The following SLCO1B1 variants were observed in gnomAD, a reference collection of about 807,000 sequenced individuals.
SLCO1B1 encodes the protein solute carrier organic anion transporter family member 1B1.
A neutral mutation model predicts 70.1 loss-of-function variants in SLCO1B1; 81 were observed. The ratio of observed to expected loss-of-function variants is 1.16; its 90% confidence interval spans 0.97 to 1.39. SLCO1B1 has a LOEUF of 1.39. Ranked by LOEUF, SLCO1B1 falls within the 40% of genes most tolerant of loss-of-function variation. The pLI, the probability that SLCO1B1 is intolerant of heterozygous loss-of-function variation, is 0.00. For synonymous variants in SLCO1B1, 283 were observed against 271.5 expected, an observed-to-expected ratio of 1.04 and a Z score of -0.42; for missense variants, 895 against 799.6, an observed-to-expected ratio of 1.12 and a Z score of -1.44.
chr12:21,211,129 G>A (rs1382053575), intron 11 of SLCO1B1, among the ~76,000 whole-genome samples: 1 of 152,160 alleles, frequency 6.6e-6, no homozygotes, highest in Non-Finnish European at 1.5e-5. Flanking sequence ...GGGCATCCCT[G>A]TTTTGTGCCA....
chr12:21,220,799 CAG>C (rs1246514901), intron 12 of SLCO1B1, among the ~76,000 whole-genome samples: 1 of 140,998 alleles, frequency 7.1e-6, no homozygotes, highest in East Asian at 2.1e-4. Flanking sequence ...GCCTGGGAGA[CAG>C]AGCAAGACTG....
intron 10 of SLCO1B1, among the ~76,000 whole-genome samples, chr12:21,203,553 G>A (rs1173875769): frequency 6.6e-6 from 1 of 152,004 alleles, no homozygotes; most frequent in African/African-American, 2.4e-5. Context: ...CCCATGAGGT[G>A]TTGGTTTTAA....
intron 7 of SLCO1B1, among the ~76,000 whole-genome samples, chr12:21,185,018 G>T (rs1351983519): frequency 3.3e-5 from 5 of 151,838 alleles, no homozygotes; most frequent in Admixed American, 3.3e-4. Context: ...GACAAAGAAG[G>T]GTATTACATA....
intron 11 of SLCO1B1, among the ~76,000 whole-genome samples, chr12:21,214,726 G>A (rs989404376): frequency 3.3e-5 from 5 of 152,160 alleles, no homozygotes; most frequent in Admixed American, 1.3e-4. Flanking sequence ...CTCCATGGGC[G>A]TAGGACCCTC....
At chr12:21,138,273 A>G (rs921074115) in intron 1 of SLCO1B1, among the ~76,000 whole-genome samples, 1 of 152,124 alleles carries the variant, frequency 6.6e-6, no homozygotes, top group Non-Finnish European at 1.5e-5. Context: ...GGCTGATAAG[A>G]TTCTGTCCTG....
intron 11 of SLCO1B1, among the ~76,000 whole-genome samples, chr12:21,213,213 T>C (rs1254892214): frequency 6.6e-6 from 1 of 152,194 alleles, no homozygotes; most frequent in African/African-American, 2.4e-5. Flanking sequence ...CAGTTGTTCC[T>C]TTCCATGTTT....
At chr12:21,206,718 G>A (rs970599250) in intron 11 of SLCO1B1, among the ~76,000 whole-genome samples, 6 of 151,722 alleles carry the variant, frequency 4.0e-5, no homozygotes, top group African/African-American at 1.5e-4. Flanking sequence ...CTAATCTCCT[G>A]GGTAGCTACC....
At chr12:21,191,396 A>G (rs1941028088) in intron 7 of SLCO1B1, among the ~76,000 whole-genome samples, 2 of 152,032 alleles carry the variant, frequency 1.3e-5, no homozygotes, top group African/African-American at 4.8e-5. Flanking sequence ...GTGTAAATGG[A>G]ATTGCTTTCC....
At chr12:21,162,268 A>C (rs1038935705) in intron 2 of SLCO1B1, among the ~76,000 whole-genome samples, 1 of 152,050 alleles carries the variant, frequency 6.6e-6, no homozygotes, top group East Asian at 1.9e-4. Flanking sequence ...TATTTTCTTC[A>C]ATTTAATTGA....
At chr12:21,235,070 C>T (rs913943687) in intron 14 of SLCO1B1, among the ~76,000 whole-genome samples, 3 of 147,204 alleles carry the variant, frequency 2.0e-5, no homozygotes, top group Non-Finnish European at 4.5e-5. Context: ...AAAGAGTCTA[C>T]TTCAAGTCGA....
intron 7 of SLCO1B1, among the ~76,000 whole-genome samples, chr12:21,179,851 A>G (rs1350577303): frequency 2.0e-5 from 3 of 152,086 alleles, no homozygotes; most frequent in Non-Finnish European, 4.4e-5. Context: ...ATGTAGATAC[A>G]GTTTTTTATA....
chr12:21,214,835 G>C (rs1941338579), intron 11 of SLCO1B1, among the ~76,000 whole-genome samples: 1 of 152,100 alleles, frequency 6.6e-6, no homozygotes, highest in Admixed American at 6.5e-5. Context: ...TCCAGGTGCT[G>C]TCCGTCACCC....
At chr12:21,183,385 C>T (rs1940928869) in intron 7 of SLCO1B1, among the ~76,000 whole-genome samples, 1 of 152,004 alleles carries the variant, frequency 6.6e-6, no homozygotes, top group Non-Finnish European at 1.5e-5. Flanking sequence ...TCTGTAAAGA[C>T]AGGGTTTTCC....
At chr12:21,176,550 C>A (rs1430406428) in intron 4 of SLCO1B1, among the ~76,000 whole-genome samples, 2 of 152,044 alleles carry the variant, frequency 1.3e-5, no homozygotes, top group Non-Finnish European at 2.9e-5. Flanking sequence ...AAGGTGATAA[C>A]CCACTTAGCC....
At chr12:21,149,019 CTGTT>C (rs1416900893) in intron 2 of SLCO1B1, among the ~76,000 whole-genome samples, 4 of 152,090 alleles carry the variant, frequency 2.6e-5, no homozygotes, top group Admixed American at 1.3e-4. Flanking sequence ...ATTTGGCTCT[CTGTT>C]TGTCTATTAT....
chr12:21,132,442 A>G (rs1940151541), intron 1 of SLCO1B1, among the ~76,000 whole-genome samples: 1 of 152,216 alleles, frequency 6.6e-6, no homozygotes, highest in African/African-American at 2.4e-5. Flanking sequence ...ACTAGTTTAC[A>G]GTCCCACCAA....
At chr12:21,196,365 G>A (rs1309406650) in intron 7 of SLCO1B1, among the ~76,000 whole-genome samples, 1 of 152,070 alleles carries the variant, frequency 6.6e-6, no homozygotes, top group East Asian at 1.9e-4. Context: ...AAATATGACT[G>A]AAATAAAATG....
intron 1 of SLCO1B1, among the ~76,000 whole-genome samples, chr12:21,139,009 G>C (rs891827978): frequency 6.6e-6 from 1 of 152,114 alleles, no homozygotes; most frequent in Non-Finnish European, 1.5e-5. Flanking sequence ...AGGATAGAAA[G>C]AAAGGTGGGA....
At chr12:21,132,446 C>G (rs1940151674) in intron 1 of SLCO1B1, among the ~76,000 whole-genome samples, 2 of 152,152 alleles carry the variant, frequency 1.3e-5, no homozygotes, top group South Asian at 4.1e-4. Context: ...GTTTACAGTC[C>G]CACCAACAGT....
Sources: allele counts gnomAD v4.1 joint callset (sites outside exome capture counted in the v4.1 genomes callset), GRCh38; gene constraint gnomAD v4.1.1; transcripts MANE v1.5; gene names NCBI Gene and HGNC (gene_info 2026-07-23, HGNC 2026-07-21).